Variants in CMSS1 observed in about 807,000 individuals in gnomAD.
CMSS1 encodes cms1 ribosomal small subunit homolog.
CMSS1 carries 33 observed loss-of-function variants against 43.5 expected under a neutral mutation model. The ratio of observed to expected loss-of-function variants is 0.76; its 90% CI spans 0.57 to 1.01. The LOEUF is 1.01. Among genes scored for constraint, CMSS1 ranks in the 50% least tolerant of loss-of-function variants. CMSS1 has a pLI of 0.00. For synonymous variants in CMSS1, 115 were observed against 117.2 expected (o/e 0.98, Z 0.12); for missense variants, 313 against 326.4 (o/e 0.96, Z 0.32).
In CMSS1 at chr3:100,045,250, G is replaced by T. The variant is rs115251172; in HGVS notation, c.65-101723G>T. ...TCTAGCTGTGCAAAGAGGTTGAAAG[G>T]GATGCGTACAGCACATAGCACAGTA... On this transcript the variant is annotated intron_variant, in intron 1 of 9. Transcript: ENST00000421999. Among the ~76,000 whole-genome samples, 388 of 152,278 alleles carry T rather than the reference G, an allele frequency of 2.5e-3. 2 individuals carry two copies. Among genetic ancestry groups the T allele is most frequent in the African/African-American group, 8.9e-3 (368 of 41,554 alleles).
chr3:100,178,013 G>A (rs1291400759), intron 9 of CMSS1, among the ~76,000 whole-genome samples: 1 of 152,158 alleles, frequency 6.6e-6, no homozygotes, highest in Admixed American at 6.5e-5. Flanking sequence ...TAGCTACTCA[G>A]AAGGCTGAAG....
At chr3:100,152,954 G>T (rs1576109620) in intron 2 of CMSS1, among the ~76,000 whole-genome samples, 1 of 152,130 alleles carries the variant, frequency 6.6e-6, no homozygotes, top group East Asian at 1.9e-4. Context: ...AGAGTAGTTT[G>T]CAAAATCAGT....
chr3:100,163,339 A>C (rs1304885303), intron 4 of CMSS1, among the ~76,000 whole-genome samples: 1 of 152,196 alleles, frequency 6.6e-6, no homozygotes, highest in Non-Finnish European at 1.5e-5. Flanking sequence ...GGTTTTTAGA[A>C]TAGTATTTTA....
rs1708168842 is a variant in CMSS1 at position 99,951,285 on chromosome 3, G to A, written c.64+133242G>A. On this transcript the variant is annotated intron_variant, in intron 1 of 9. Transcript: ENST00000421999. ...GCACTAAGACCTCCTTCTTCTACCA[G>A]TAATTACAGTAGCTATTTTACTTAC... is the stretch of plus-strand genomic sequence containing the variant. Among the ~76,000 whole-genome samples, 5 of 152,100 alleles carry A rather than the reference G, an allele frequency of 3.3e-5. 1 individual carries two copies. The highest frequency in any genetic ancestry group is 3.3e-4 in the Admixed American group (5 of 15,278).
chr3:99,915,428 GA>G (rs1308289974), intron 1 of CMSS1, among the ~76,000 whole-genome samples: 2 of 152,168 alleles, frequency 1.3e-5, no homozygotes, highest in African/African-American at 2.4e-5. Flanking sequence ...TAGACAAGAA[GA>G]TGCAATTAGT....
At chr3:100,018,033 G>A (rs1040646565) in intron 1 of CMSS1, among the ~76,000 whole-genome samples, 1 of 151,872 alleles carries the variant, frequency 6.6e-6, no homozygotes, top group Non-Finnish European at 1.5e-5. Context: ...TGACCAATAT[G>A]TATAAAAGGT....
intron 1 of CMSS1, among the ~76,000 whole-genome samples, chr3:99,870,634 G>A (rs994294469): frequency 6.6e-6 from 1 of 152,178 alleles, no homozygotes; most frequent in African/African-American, 2.4e-5. Flanking sequence ...TTCATGCCTT[G>A]TGCTTAGCTC....
chr3:99,895,862 A>C (rs1706233659), intron 1 of CMSS1, among the ~76,000 whole-genome samples: 1 of 152,246 alleles, frequency 6.6e-6, no homozygotes, highest in Non-Finnish European at 1.5e-5. Flanking sequence ...TCTAGCAGTG[A>C]TTGCTAGAAA....
At chr3:100,119,641 A>G (rs2066603578) in intron 1 of CMSS1, among the ~76,000 whole-genome samples, 1 of 152,246 alleles carries the variant, frequency 6.6e-6, no homozygotes, top group Non-Finnish European at 1.5e-5. Context: ...TGAACAAAGG[A>G]TGAGAGTAGC....
chr3:100,021,969 G>A (rs2064833020), intron 1 of CMSS1, among the ~76,000 whole-genome samples: 1 of 116,938 alleles, frequency 8.6e-6, no homozygotes, highest in Non-Finnish European at 1.9e-5. Flanking sequence ...GTGAGAGAGA[G>A]AGAGAGAGAG....
At chr3:99,944,352 C>A (rs1707942842) in intron 1 of CMSS1, among the ~76,000 whole-genome samples, 1 of 152,210 alleles carries the variant, frequency 6.6e-6, no homozygotes, top group South Asian at 2.1e-4. Flanking sequence ...TTGGTCCAAG[C>A]TGGCTACAGC....
intron 1 of CMSS1, among the ~76,000 whole-genome samples, chr3:100,123,202 C>G (rs147277324): frequency 7.2e-5 from 11 of 152,320 alleles, no homozygotes; most frequent in African/African-American, 2.4e-4. Flanking sequence ...GAGGAGACCT[C>G]TCTCTGAAGA....
intron 8 of CMSS1, among the ~76,000 whole-genome samples, chr3:100,175,563 T>C (rs1027690039): frequency 3.9e-5 from 6 of 152,176 alleles, no homozygotes; most frequent in African/African-American, 1.4e-4. Flanking sequence ...ATAAAAAGCA[T>C]GAACAAGTAT....
intron 1 of CMSS1, 135 bp from the exon 2 acceptor site, chr3:100,146,838 C>A: frequency 1.8e-6 from 2 of 1,114,442 alleles, no homozygotes; most frequent in Non-Finnish European, 2.5e-6. Flanking sequence ...TACTTTGGAC[C>A]ATTTCCTTAA....
chr3:100,160,762 G>T (rs936185183), intron 3 of CMSS1, among the ~76,000 whole-genome samples: 1 of 152,116 alleles, frequency 6.6e-6, no homozygotes, highest in Non-Finnish European at 1.5e-5. Flanking sequence ...TTTCAGTGTG[G>T]TCAGATGTCA....
intron 6 of CMSS1, among the ~76,000 whole-genome samples, chr3:100,169,170 C>A (rs919781555): frequency 1.3e-5 from 2 of 152,144 alleles, no homozygotes; most frequent in African/African-American, 4.8e-5. Flanking sequence ...TCACTTATAA[C>A]AAGATAAATT....
intron 1 of CMSS1, chr3:99,850,622 G>A (rs1383086098): frequency 6.2e-7 from 1 of 1,613,672 alleles, no homozygotes; most frequent in Admixed American, 1.7e-5. Context: ...TTTATATCTT[G>A]CAGCTCCTCT....
intron 1 of CMSS1, among the ~76,000 whole-genome samples, chr3:99,997,366 G>T (rs999026174): frequency 6.6e-6 from 1 of 152,302 alleles, no homozygotes; most frequent in Middle Eastern, 3.4e-3. Flanking sequence ...TAGAGGAAAT[G>T]GCTGTATGCT....
chr3:100,099,771 G>A (rs1355170893), intron 1 of CMSS1, among the ~76,000 whole-genome samples: 1 of 152,144 alleles, frequency 6.6e-6, no homozygotes, highest in Admixed American at 6.6e-5. Flanking sequence ...CTGTAGCAGT[G>A]GGAACCTAAC....
Sources: allele counts gnomAD v4.1 joint callset (sites outside exome capture counted in the v4.1 genomes callset), GRCh38; gene constraint gnomAD v4.1.1; transcripts MANE v1.5; gene names NCBI Gene and HGNC (gene_info 2026-07-23, HGNC 2026-07-21).